Variants in PCM1 observed in about 807,000 individuals in gnomAD.
PCM1 encodes the protein pericentriolar material 1 protein.
In PCM1, 157 loss-of-function variants were observed where a neutral mutation model predicts 241.9. The ratio of observed to expected loss-of-function variants is 0.65; its 90% CI spans 0.57 to 0.74. The LOEUF (loss-of-function observed/expected upper bound fraction) is 0.74. PCM1 is among the 30% of genes least tolerant of loss of function. The probability of loss-of-function intolerance (pLI) is 0.00; values close to 1 mark genes in which losing one functional copy is unlikely to be tolerated. For synonymous variants in PCM1, 1,085 were observed against 784.9 expected (o/e 1.38, Z -6.39); for missense variants, 3,478 against 2,360.1 (o/e 1.47, Z -9.81).
intron 24 of PCM1, among the ~76,000 whole-genome samples, chr8:17,981,476 G>A (rs879223864): frequency 1.3e-5 from 2 of 151,974 alleles, no homozygotes; most frequent in Admixed American, 6.6e-5. Flanking sequence ...GAGTCCCTTG[G>A]CAGCAGATAA....
At position 17,964,581 on chromosome 8, in the gene PCM1, T is replaced by C. The variant is rs2074072578; in HGVS notation, c.2668T>C (p.Trp890Arg). 2 of 1,613,018 alleles carry C rather than the reference T, an allele frequency of 1.2e-6. No individual in the cohort carries two copies. Among genetic ancestry groups the C allele is most frequent in the African/African-American group, 2.7e-5 (2 of 74,876 alleles). Residue 890 changes from tryptophan (W) to arginine (R), a missense_variant, in exon 18 of 39, where the codon TGG (tryptophan) becomes CGG (arginine). Coordinates refer to ENST00000325083, the MANE Select transcript of PCM1 (RefSeq NM_006197.4). The stretch of plus-strand genomic sequence containing the variant: ...CTTAATCACTAGAACGATGGCAACT[T>C]GGGGAGGGTCTACCCAGTGTGCACT... Reference protein sequence around the residue: ...QSRTEKTMATWGGSTQCALDE... With the variant: ...QSRTEKTMATRGGSTQCALDE...
In PCM1 at chr8:17,935,627, G is replaced by A. The variant is rs1411674791; in HGVS notation, c.17G>A (p.Gly6Asp). ...AAATCCAGTATGGCCACAGGAGGAG[G>A]TCCCTTTGAAGATGGCATGAATGAT... The part of the protein sequence containing the change: MATGG[G>D]PFEDGMNDQD... The change falls in exon 3 of 39, where the codon GGT (glycine) becomes GAT (aspartate). Residue 6 changes from glycine (G) to aspartate (D), a missense_variant. Gly to Asp is a moderately conservative substitution (Grantham distance 94). Coordinates refer to ENST00000325083, the MANE Select transcript of PCM1 (RefSeq NM_006197.4). The A allele has an allele frequency of 6.6e-7, 1 of 1,525,648 alleles. No homozygotes were observed. Among genetic ancestry groups the A allele is most frequent in the Non-Finnish European group, 9.1e-7 (1 of 1,099,892 alleles). 94.5% of individuals were successfully genotyped at this position (1,525,648 alleles called of 1,614,324 possible).
At chr8:18,017,237 A>T (rs540493012) in intron 36 of PCM1, among the ~76,000 whole-genome samples, 2 of 152,350 alleles carry the variant, frequency 1.3e-5, no homozygotes, top group East Asian at 3.9e-4. Context: ...ACACGGCTAA[A>T]TTGGAAATCT....
At position 17,961,420 on chromosome 8, in the gene PCM1, C is replaced by G. The variant is rs529682172; in HGVS notation, c.2323-614C>G. 1.1e-4 allele frequency among the ~76,000 whole-genome samples: 16 copies of G among 146,476 alleles called. No individual in the cohort carries two copies. In the South Asian group the frequency reaches 3.4e-3, roughly 32 times the overall value. ...CCACCTCCTGGGTTCACGCCATTCT[C>G]CTGCCTCAGCCTCCCGAGTAGCTGG... On this transcript the variant is annotated intron_variant, in intron 15 of 38. Coordinates refer to ENST00000325083, the MANE Select transcript of PCM1 (RefSeq NM_006197.4).
intron 7 of PCM1, among the ~76,000 whole-genome samples, chr8:17,949,250 C>T (rs889468189): frequency 6.6e-6 from 1 of 151,962 alleles, no homozygotes; most frequent in African/African-American, 2.4e-5. Context: ...TGGAAAGCTA[C>T]AATTACAGTA....
At chr8:17,932,412 C>G (rs59515066) in intron 2 of PCM1, among the ~76,000 whole-genome samples, 3,035 of 152,112 alleles carry the variant, frequency 0.02, 95 homozygotes, top group African/African-American at 0.069. Flanking sequence ...TCTGAGAATT[C>G]CATTTTCCTT....
chr8:17,958,393 T>C (rs774023991), intron 13 of PCM1, among the ~76,000 whole-genome samples: 1 of 152,186 alleles, frequency 6.6e-6, no homozygotes, highest in Non-Finnish European at 1.5e-5. Context: ...TATACATATT[T>C]TGTATTATAG....
intron 6 of PCM1, among the ~76,000 whole-genome samples, chr8:17,943,746 C>T (rs1373018879): frequency 6.6e-6 from 1 of 151,908 alleles, no homozygotes; most frequent in Non-Finnish European, 1.5e-5. Context: ...TAATTCTCAC[C>T]ACCTGTGTTT....
Position 17,956,657 on chromosome 8 carries a change from A to T in PCM1, c.1526A>T (p.Tyr509Phe), listed in dbSNP as rs757572317. 13 of 1,603,054 alleles carry T rather than the reference A, an allele frequency of 8.1e-6. No individual in the cohort carries two copies. The Admixed American group carries it at 2.2e-4, about 27-fold the overall frequency. The change falls in exon 11 of 39, where the codon TAT (tyrosine) becomes TTT (phenylalanine). Residue 509 changes from tyrosine (Y) to phenylalanine (F), a missense_variant. Coordinates refer to ENST00000325083, the MANE Select transcript of PCM1 (RefSeq NM_006197.4). ...AATGAGCTAAGAGAATTAGTTCATTATTATGAACAAACGTCAGACATGATG... is the reference window on the plus strand; with the variant it reads ...AATGAGCTAAGAGAATTAGTTCATTTTTATGAACAAACGTCAGACATGATG... The part of the protein sequence containing the change: ...RLNELRELVH[Y>F]YEQTSDMMTD...
Position 17,966,070 on chromosome 8 carries a change from TCAG to T in PCM1, c.2930_2932del (p.Ser977del), listed in dbSNP as rs1294689908. On this transcript the variant is annotated inframe_deletion, in exon 19 of 39. Coordinates refer to ENST00000325083, the MANE Select transcript of PCM1 (RefSeq NM_006197.4). ...TTAGCCAAGACAAGGCAACAGAATA[TCAG>T]CATGCAACGGCAAGAAAACCTTCGT... The T allele has an allele frequency of 6.8e-6, 11 of 1,613,888 alleles. No homozygotes were observed. The highest frequency in any genetic ancestry group is 9.3e-6 in the Non-Finnish European group (11 of 1,179,848).
chr8:18,005,475 T>TGG (rs898528688), intron 29 of PCM1, among the ~76,000 whole-genome samples: 2 of 151,522 alleles, frequency 1.3e-5, no homozygotes, highest in Non-Finnish European at 2.9e-5. Context: ...TATGTATTGG[T>TGG]GGGGGGGACT....
At chr8:17,973,930 G>GA (rs1424173583) in intron 23 of PCM1, among the ~76,000 whole-genome samples, 1 of 152,064 alleles carries the variant, frequency 6.6e-6, no homozygotes, top group Non-Finnish European at 1.5e-5. Context: ...TGAAACCTTA[G>GA]AAAAATCTAA....
At position 17,993,735 on chromosome 8, in the gene PCM1, A is replaced by G. The variant is rs1331847089; in HGVS notation, c.4827+116A>G. The G allele has an allele frequency of 1.3e-5, 11 of 824,206 alleles. 1 individual carries two copies. In the South Asian group the frequency reaches 1.5e-4, roughly 11 times the overall value. The allele number at this position is 824,206 out of a possible 1,614,324, so 51.1% of individuals were successfully genotyped here. ...ATAGGTAAACAACAACAAAAAAACT[A>G]TCACCCATAATTTTTTCACCCTACC... On this transcript the variant is annotated intron_variant, in intron 29 of 38. Transcript: ENST00000325083.
chr8:17,968,758 G>GTA (rs1554688505), intron 21 of PCM1, among the ~76,000 whole-genome samples: 3 of 131,054 alleles, frequency 2.3e-5, no homozygotes, highest in African/African-American at 8.8e-5. Flanking sequence ...GTGTGTGTGT[G>GTA]TGTGTATATA....
chr8:17,951,294 A>G (rs1332956238), intron 8 of PCM1, among the ~76,000 whole-genome samples: 1 of 152,194 alleles, frequency 6.6e-6, no homozygotes, highest in Admixed American at 6.5e-5. Context: ...GGAAGTGAGT[A>G]TGATTGAAGA....
intron 10 of PCM1, 42 bp from the exon 11 acceptor site, chr8:17,956,561 TA>T: frequency 8.0e-7 from 1 of 1,250,346 alleles, no homozygotes; most frequent in Non-Finnish European, 1.1e-6. Flanking sequence ...ATTATTTTGC[TA>T]AAATGGGTGT....
rs752112729 is a variant in PCM1, at chr8:18,011,733, A to C, written c.5417A>C (p.Glu1806Ala). The change falls in exon 34 of 39, where the codon GAA becomes GCA. Residue 1806 changes from glutamate to alanine, a missense_variant. Coordinates refer to ENST00000325083, the MANE Select transcript of PCM1 (RefSeq NM_006197.4). The part of the protein sequence containing the change: ...YGSGEDENED[E>A]EMEEFEEGPV... The stretch of plus-strand genomic sequence containing the variant: ...AGTGGAGAAGATGAAAATGAGGATG[A>C]AGAAATGGAAGAATTTGAAGAAGGC... 49 of 1,613,478 alleles carry C rather than the reference A, an allele frequency of 3.0e-5. No homozygotes were observed. The highest frequency in any genetic ancestry group is 4.0e-5 in the Non-Finnish European group (47 of 1,179,660).
At chr8:17,931,676 C>T (rs142609519) in intron 2 of PCM1, among the ~76,000 whole-genome samples, 85 of 152,172 alleles carry the variant, frequency 5.6e-4, no homozygotes, top group African/African-American at 1.9e-3. Flanking sequence ...TTAATTTTCC[C>T]TTCCAATTTA....
At chr8:18,005,575 T>C (rs2091047140) in intron 29 of PCM1, among the ~76,000 whole-genome samples, 1 of 152,162 alleles carries the variant, frequency 6.6e-6, no homozygotes, top group Non-Finnish European at 1.5e-5. Context: ...CGATGATTTA[T>C]GGACTCAACC....
Sources: allele counts gnomAD v4.1 joint callset (sites outside exome capture counted in the v4.1 genomes callset), GRCh38; gene constraint gnomAD v4.1.1; transcripts MANE v1.5; gene names NCBI Gene and HGNC (gene_info 2026-07-23, HGNC 2026-07-21).